Variants in IL1RAPL1 observed in about 807,000 individuals in gnomAD.
IL1RAPL1 encodes the protein interleukin 1 receptor accessory protein like 1.
Under a neutral mutation model 48.4 loss-of-function variants are expected in IL1RAPL1, and 3 were observed. That is an observed-to-expected ratio of 0.06 (90% CI 0.03 to 0.16). IL1RAPL1 has a LOEUF of 0.16. Ranked by LOEUF, IL1RAPL1 falls within the 10% of genes least tolerant of loss-of-function variation. IL1RAPL1 has a pLI of 1.00. For missense variants in IL1RAPL1, 349 were observed against 530.6 expected (o/e 0.66, Z 3.36); for synonymous variants, 185 against 187.7 (o/e 0.99, Z 0.12).
At chrX:29,874,473 G>A (rs1311931533) in intron 6 of IL1RAPL1, among the ~76,000 whole-genome samples, 5 of 112,025 alleles carry the variant, frequency 4.5e-5, no homozygotes, top group African/African-American at 1.6e-4. Flanking sequence ...TACCCAAAGT[G>A]ATGATGTGGA....
At chrX:28,983,878 A>G (rs1171906488) in intron 2 of IL1RAPL1, among the ~76,000 whole-genome samples, 1 of 112,217 alleles carries the variant, frequency 8.9e-6, no homozygotes, top group Non-Finnish European at 1.9e-5. Context: ...TTTCAACGAC[A>G]TAAGTACAAA....
At chrX:28,993,028 A>G (rs1925647031) in intron 2 of IL1RAPL1, among the ~76,000 whole-genome samples, 1 of 112,150 alleles carries the variant, frequency 8.9e-6, no homozygotes, top group African/African-American at 3.2e-5. Flanking sequence ...CTCATCATCC[A>G]AGTATTTATC....
intron 6 of IL1RAPL1, among the ~76,000 whole-genome samples, chrX:29,793,182 A>C (rs958145949): frequency 8.9e-6 from 1 of 112,422 alleles, no homozygotes; most frequent in African/African-American, 3.2e-5. Flanking sequence ...ATGTGCATGC[A>C]CAAACAACAT....
chrX:29,911,546 G>T (rs1053618756), intron 6 of IL1RAPL1, among the ~76,000 whole-genome samples: 1 of 112,120 alleles, frequency 8.9e-6, no homozygotes, highest in Admixed American at 9.5e-5. Context: ...TCTGGTAAAT[G>T]TTTAACACTT....
At chrX:29,176,488 A>C (rs901231066) in intron 2 of IL1RAPL1, among the ~76,000 whole-genome samples, 1 of 110,453 alleles carries the variant, frequency 9.1e-6, no homozygotes, top group Admixed American at 9.8e-5. Context: ...CAAACAAAAA[A>C]AGCAACTTCA....
chrX:29,503,951 T>C (rs887692231), intron 5 of IL1RAPL1, among the ~76,000 whole-genome samples: 2 of 93,923 alleles, frequency 2.1e-5, no homozygotes, highest in African/African-American at 3.9e-5. Context: ...AAGCCCAGCC[T>C]GAATCCTTTT....
At chrX:28,839,115 C>G (rs1219926287) in intron 2 of IL1RAPL1, among the ~76,000 whole-genome samples, 1 of 111,809 alleles carries the variant, frequency 8.9e-6, no homozygotes, top group African/African-American at 3.2e-5. Flanking sequence ...TTGTGTTATT[C>G]TGTGCGAACA....
At chrX:28,763,421 A>G (rs1936199001) in intron 1 of IL1RAPL1, among the ~76,000 whole-genome samples, 1 of 111,944 alleles carries the variant, frequency 8.9e-6, no homozygotes, top group Non-Finnish European at 1.9e-5. Flanking sequence ...TTGTAGGATA[A>G]TTTACTAGAA....
intron 6 of IL1RAPL1, among the ~76,000 whole-genome samples, chrX:29,837,322 T>C (rs1053317611): frequency 1.1e-5 from 1 of 94,301 alleles, no homozygotes; most frequent in Non-Finnish European, 2.1e-5. Flanking sequence ...CACACACACA[T>C]ATATAGACGG....
intron 3 of IL1RAPL1, among the ~76,000 whole-genome samples, chrX:29,301,612 G>A (rs1482955502): frequency 2.7e-5 from 3 of 111,441 alleles, no homozygotes; most frequent in African/African-American, 3.3e-5. Flanking sequence ...GTTATCTTCC[G>A]TTTGTACTTT....
chrX:29,063,049 T>C (rs1019751063), intron 2 of IL1RAPL1, among the ~76,000 whole-genome samples: 2 of 111,328 alleles, frequency 1.8e-5, no homozygotes, highest in Non-Finnish European at 3.8e-5. Flanking sequence ...CTGACCTTCT[T>C]CTCTTATTTT....
At chrX:29,341,301 T>G (rs1933071198) in intron 3 of IL1RAPL1, among the ~76,000 whole-genome samples, 1 of 112,231 alleles carries the variant, frequency 8.9e-6, no homozygotes, top group South Asian at 3.7e-4. Flanking sequence ...GCCTGCACAT[T>G]CACTTAGGAG....
intron 2 of IL1RAPL1, among the ~76,000 whole-genome samples, chrX:29,181,664 C>T (rs1184658262): frequency 9.0e-6 from 1 of 111,650 alleles, no homozygotes; most frequent in African/African-American, 3.3e-5. Flanking sequence ...AATTATGCCC[C>T]TGTGGTATTT....
intron 2 of IL1RAPL1, among the ~76,000 whole-genome samples, chrX:29,226,991 A>T (rs1931094881): frequency 9.6e-6 from 1 of 103,948 alleles, no homozygotes; most frequent in African/African-American, 3.5e-5. Flanking sequence ...GGAATGGAAG[A>T]TTTTTTTTTT....
chrX:29,681,561 T>A (rs1271201726), intron 6 of IL1RAPL1, among the ~76,000 whole-genome samples: 3 of 112,199 alleles, frequency 2.7e-5, no homozygotes, highest in African/African-American at 9.7e-5. Context: ...AGTAGAAATG[T>A]CTGTTAACTC....
At chrX:29,193,628 G>A (rs985648857) in intron 2 of IL1RAPL1, among the ~76,000 whole-genome samples, 2 of 110,715 alleles carry the variant, frequency 1.8e-5, no homozygotes, top group Non-Finnish European at 3.8e-5. Flanking sequence ...CAGGTTGGAG[G>A]CGGGTGTCAT....
chrX:29,198,445 G>A (rs747024252), intron 2 of IL1RAPL1, among the ~76,000 whole-genome samples: 3 of 109,755 alleles, frequency 2.7e-5, no homozygotes, highest in African/African-American at 6.7e-5. Context: ...ACAGGTGTCC[G>A]CCACGACACC....
At chrX:28,955,451 C>G (rs1321391057) in intron 2 of IL1RAPL1, among the ~76,000 whole-genome samples, 1 of 110,788 alleles carries the variant, frequency 9.0e-6, no homozygotes, top group Non-Finnish European at 1.9e-5. Context: ...AATTACTAAT[C>G]TTGTATAAGG....
intron 2 of IL1RAPL1, among the ~76,000 whole-genome samples, chrX:28,925,662 C>T (rs989702768): frequency 8.9e-6 from 1 of 111,962 alleles, no homozygotes; most frequent in Non-Finnish European, 1.9e-5. Context: ...TGCGGTGGCT[C>T]ACGCCTGTAA....
Sources: gnomAD v4.1 joint callset for allele counts (sites outside exome capture counted in the v4.1 genomes callset) on GRCh38, gnomAD v4.1.1 for gene constraint, MANE v1.5 for transcripts, NCBI Gene and HGNC (gene_info 2026-07-23, HGNC 2026-07-21) for gene names.